BRSK1: variants seen among roughly 807,000 people sequenced by gnomAD.
BRSK1 encodes the protein serine/threonine-protein kinase BRSK1.
In BRSK1, 17 loss-of-function variants were observed where a neutral mutation model predicts 86.2. That is an observed-to-expected ratio of 0.20 (90% confidence interval 0.14 to 0.30). The LOEUF (loss-of-function observed/expected upper bound fraction) is 0.30. Among genes scored for constraint, BRSK1 ranks in the 10% least tolerant of loss-of-function variants. The pLI is 1.00. For synonymous variants in BRSK1, 464 were observed against 440.1 expected (o/e 1.05, Z -0.68); for missense variants, 719 against 1,071.9 (o/e 0.67, Z 4.60).
intron 3 of BRSK1, 57 bp from the exon 4 acceptor site, chr19:55,289,423 G>C: frequency 6.4e-7 from 1 of 1,557,394 alleles, no homozygotes; most frequent in Non-Finnish European, 8.7e-7. Flanking sequence ...TGGGAGACCA[G>C]GCCCTTTGGT....
At chr19:55,288,578 G>GT (rs1190130747) in intron 3 of BRSK1, among the ~76,000 whole-genome samples, 8 of 151,856 alleles carry the variant, frequency 5.3e-5, no homozygotes, top group Non-Finnish European at 5.9e-5. Context: ...GGAGTTTGGG[G>GT]GTTTTTTTGT....
chr19:55,301,439 T>C (rs2088568013), intron 7 of BRSK1, 73 bp from the exon 8 acceptor site: 2 of 1,537,358 alleles, frequency 1.3e-6, no homozygotes, highest in Non-Finnish European at 1.8e-6. Context: ...GAGATCACCG[T>C]AGTTCCCCAC....
In BRSK1 at chr19:55,298,447, C is replaced by T. The variant is rs147915714; in HGVS notation, c.679-3065C>T. On this transcript the variant is annotated intron_variant, in intron 7 of 18. Transcript: ENST00000309383. ...TCAGCCTTCCAAAGTGCTGGGATTA[C>T]AGGCATGAGCCACCGCACCTGGCCT... is the stretch of plus-strand genomic sequence containing the variant. 2.4e-3 allele frequency among the ~76,000 whole-genome samples: 359 copies of T among 152,278 alleles called. 1 individual carries two copies. The highest frequency in any genetic ancestry group is 8.1e-3 in the African/African-American group (337 of 41,570).
Position 55,294,459 on chromosome 19 carries a change from C to T in BRSK1, c.678+62C>T. ...AATCCCACCTGGTGGGAGCATAGGA[C>T]AGTACCTTCCATCCTCAGGTCATCT... On this transcript the variant is annotated intron_variant, in intron 7 of 18. Transcript: ENST00000309383. This position sits in a 1 kb window ranked among gnomAD's most constrained non-coding sequence, Gnocchi z 4.9. The T allele has an allele frequency of 6.5e-7, 1 of 1,533,570 alleles. No homozygotes were observed. Among genetic ancestry groups the T allele is most frequent in the Non-Finnish European group, 8.9e-7 (1 of 1,118,400 alleles). 95.0% of individuals were successfully genotyped at this position (1,533,570 alleles called of 1,614,324 possible).
Position 55,306,381 on chromosome 19 carries a change from G to C in BRSK1, c.2020G>C (p.Glu674Gln). ...QVDISSSEGPEPSPRRDGSGG... is the reference protein window; with the variant it reads ...QVDISSSEGPQPSPRRDGSGG... ...GGACATCAGCTCCTCTGAGGGTCCA[G>C]AGCCCTCCCCGCGACGGGACGGCAG... The change falls in exon 17 of 19, where the codon GAG becomes CAG. Residue 674 changes from glutamate to glutamine, a missense_variant. Around this residue, in one of 6 missense-constraint regions of BRSK1, gnomAD observed 180 missense variants for 259.4 expected, o/e 0.69. Transcript: ENST00000309383. This position sits in a 1 kb window ranked among gnomAD's most constrained non-coding sequence, Gnocchi z 4.7. The C allele has an allele frequency of 6.2e-7, 1 of 1,614,006 alleles. No homozygotes were observed. The highest frequency in any genetic ancestry group is 8.5e-7 in the Non-Finnish European group (1 of 1,180,042).
In BRSK1 at chr19:55,306,411, G is replaced by C. The variant is rs771387446; in HGVS notation, c.2050G>C (p.Gly684Arg). The C allele has an allele frequency of 1.2e-6, 2 of 1,613,832 alleles. No homozygotes were observed. The highest frequency in any genetic ancestry group is 4.5e-5 in the East Asian group (2 of 44,886). ...CTCCCCGCGACGGGACGGCAGCGGA[G>C]GTGGTGGCATCTACTCCGTCACCTT... Reference protein sequence around the residue: ...EPSPRRDGSGGGGIYSVTFTL... With the variant: ...EPSPRRDGSGRGGIYSVTFTL... Residue 684 changes from glycine to arginine, a missense_variant, in exon 17 of 19, where the codon GGT becomes CGT. Gly to Arg is a moderately radical substitution (Grantham distance 125). This residue lies in a region of BRSK1 where 180 missense variants were observed against 259.4 expected (regional missense o/e 0.69). Transcript: ENST00000309383. This position sits in a 1 kb window ranked among gnomAD's most constrained non-coding sequence, Gnocchi z 4.7.
rs1191522152 is a variant in BRSK1, at chr19:55,302,188, A to T, written c.857+20A>T. On this transcript the variant is annotated intron_variant, in intron 9 of 18. Coordinates refer to ENST00000309383, the MANE Select transcript of BRSK1 (RefSeq NM_032430.2). The surrounding 1 kb of genome is among the most constrained non-coding windows in gnomAD (Gnocchi z 6.3). Reference sequence around the variant, plus strand: ...GTACCTGTGAGTATGGGGTAACTGGACTCTTGGGTCCCTGGCGGAAATAGG... The same window carrying T: ...GTACCTGTGAGTATGGGGTAACTGGTCTCTTGGGTCCCTGGCGGAAATAGG... 1 of 1,613,200 alleles carries T rather than the reference A, an allele frequency of 6.2e-7. No homozygotes were observed. The highest frequency in any genetic ancestry group is 1.7e-5 in the Admixed American group (1 of 59,932).
rs368835496 is a variant in BRSK1 at position 55,294,299 on chromosome 19, G to A, written c.610-30G>A. Reference sequence around the variant, plus strand: ...AGGGGTGGAGGCAGCAGTGAGGAGCGATGAAGTCACAACTGGCCTTCCCTT... The same window carrying A: ...AGGGGTGGAGGCAGCAGTGAGGAGCAATGAAGTCACAACTGGCCTTCCCTT... On this transcript the variant is annotated intron_variant, in intron 6 of 18. Transcript: ENST00000309383. The surrounding 1 kb of genome is among the most constrained non-coding windows in gnomAD (Gnocchi z 4.9). The A allele has an allele frequency of 4.5e-5, 72 of 1,614,002 alleles. No homozygotes were observed. Among genetic ancestry groups the A allele is most frequent in the Non-Finnish European group, 5.8e-5 (68 of 1,180,032 alleles).
chr19:55,291,456 A>T (rs1265693295), intron 4 of BRSK1, among the ~76,000 whole-genome samples: 1 of 152,262 alleles, frequency 6.6e-6, no homozygotes, highest in East Asian at 1.9e-4. Flanking sequence ...TGGTAGGAGG[A>T]TTGCTTGAGC....
At chr19:55,292,262 G>C (rs1253114488) in intron 4 of BRSK1, among the ~76,000 whole-genome samples, 1 of 152,144 alleles carries the variant, frequency 6.6e-6, no homozygotes, top group Non-Finnish European at 1.5e-5. Context: ...TTCAAGGGTG[G>C]GAAGGTCCCA....
intron 7 of BRSK1, among the ~76,000 whole-genome samples, chr19:55,295,926 G>T (rs1195094664): frequency 6.6e-6 from 1 of 152,106 alleles, no homozygotes; most frequent in Admixed American, 6.6e-5. Context: ...TTGAGATCGC[G>T]TCACTGCACT....
chr19:55,285,731 T>C (rs1338364907), intron 1 of BRSK1, among the ~76,000 whole-genome samples: 2 of 151,956 alleles, frequency 1.3e-5, no homozygotes, highest in Non-Finnish European at 2.9e-5. Flanking sequence ...GCCGGATGGA[T>C]GGTGGGTGGA....
chr19:55,312,348 C>T lies in BRSK1; in HGVS notation c.*280C>T. ...GGGTGGGGTGGGGGAGGGACGGGAGCTGGTTGGGGTGGCTTAGCAGATCCG... is the reference window on the plus strand; with the variant it reads ...GGGTGGGGTGGGGGAGGGACGGGAGTTGGTTGGGGTGGCTTAGCAGATCCG... On this transcript the variant is annotated 3_prime_UTR_variant, in exon 19 of 19. Transcript: ENST00000309383. 1 of 203,632 alleles carries T rather than the reference C, an allele frequency of 4.9e-6. No homozygotes were observed. Among genetic ancestry groups the T allele is most frequent in the Non-Finnish European group, 9.7e-6 (1 of 102,900 alleles). The allele number at this position is 203,632 out of a possible 1,614,324, so 12.6% of individuals were successfully genotyped here.
intron 17 of BRSK1, among the ~76,000 whole-genome samples, chr19:55,308,229 C>T (rs532990881): frequency 8.2e-6 from 1 of 122,438 alleles, no homozygotes; most frequent in Admixed American, 7.5e-5. Flanking sequence ...CCATGTTGGC[C>T]AGGCTGGTCT....
rs192031524 is a variant in BRSK1, at chr19:55,300,031, G to A, written c.679-1481G>A. 3.8e-3 allele frequency among the ~76,000 whole-genome samples: 584 copies of A among 152,228 alleles called. 4 individuals carry two copies. Among genetic ancestry groups the A allele is most frequent in the Non-Finnish European group, 5.8e-3 (396 of 68,016 alleles). ...GGAAGCATTCCCTCCCGTCCCGTAT[G>A]ATACGTTCGCTTGTTTGTTTCCTGT... On this transcript the variant is annotated intron_variant, in intron 7 of 18. Transcript: ENST00000309383.
At chr19:55,286,337 C>G (rs1348095469) in intron 1 of BRSK1, among the ~76,000 whole-genome samples, 1 of 151,692 alleles carries the variant, frequency 6.6e-6, no homozygotes, top group Admixed American at 6.6e-5. Context: ...GGGCTCAGGT[C>G]CTGGAGTCGA....
At chr19:55,289,443 G>T (rs1197876953) in intron 3 of BRSK1, 37 bp from the exon 4 acceptor site, 10 of 1,589,624 alleles carry the variant, frequency 6.3e-6, no homozygotes, top group Admixed American at 1.8e-5. Context: ...TCCTCCACAT[G>T]CCCCTTCCAG....
At position 55,287,378 on chromosome 19, in the gene BRSK1, C is replaced by T. The variant is rs1457882806; in HGVS notation, c.317+79C>T. The T allele has an allele frequency of 2.9e-6, 4 of 1,362,876 alleles. No homozygotes were observed. Among genetic ancestry groups the T allele is most frequent in the Non-Finnish European group, 4.2e-6 (4 of 959,738 alleles). The allele number at this position is 1,362,876 out of a possible 1,614,324, so 84.4% of individuals were successfully genotyped here. On this transcript the variant is annotated intron_variant, in intron 3 of 18. Coordinates refer to ENST00000309383, the MANE Select transcript of BRSK1 (RefSeq NM_032430.2). This position sits in a 1 kb window ranked among gnomAD's most constrained non-coding sequence, Gnocchi z 5.3. ...GGGTGGGACTTCTCCAGAAACAGGGCCTAGGGGGACCTGGGGGACCTGCAG... is the reference window on the plus strand; with the variant it reads ...GGGTGGGACTTCTCCAGAAACAGGGTCTAGGGGGACCTGGGGGACCTGCAG...
chr19:55,305,054 G>T (rs1222940084), intron 14 of BRSK1, 134 bp downstream of exon 14: 3 of 1,385,062 alleles, frequency 2.2e-6, no homozygotes, highest in Non-Finnish European at 2.9e-6. Flanking sequence ...TAGAGAAGAG[G>T]GGGTTTGAAG....
Sources: gnomAD v4.1 joint callset for allele counts (sites outside exome capture counted in the v4.1 genomes callset) on GRCh38, gnomAD v4.1.1 for gene constraint, gnomAD v4.1.1 regional missense constraint, Gnocchi (gnomAD v3.1) non-coding constraint, MANE v1.5 for transcripts, NCBI Gene and HGNC (gene_info 2026-07-23, HGNC 2026-07-21) for gene names.